Variants in MYBPH observed in about 807,000 individuals in gnomAD.
MYBPH encodes myosin binding protein H.
A neutral mutation model predicts 53.6 loss-of-function variants in MYBPH; 49 were observed. That is an observed-to-expected ratio of 0.91 (90% CI 0.73 to 1.16). The LOEUF is 1.16. Ranked by LOEUF, MYBPH falls within the 50% of genes most tolerant of loss-of-function variation. MYBPH has a pLI of 0.00. For missense variants in MYBPH, 558 were observed against 624.1 expected, an observed-to-expected ratio of 0.89 and a Z score of 1.13; for synonymous variants, 239 against 249.6, an observed-to-expected ratio of 0.96 and a Z score of 0.40.
chr1:203,175,412 G>A lies in MYBPH; in HGVS notation c.255C>T (p.Ser85=), dbSNP rs1447745214. ...LLLTLDDVSS[S]SVTVSWEPPE... Reference sequence around the variant, plus strand: ...GGGGCTCCCAGCTCACAGTCACAGAGCTGCTGCTCACATCATCCAGGGTCA... The same window carrying A: ...GGGGCTCCCAGCTCACAGTCACAGAACTGCTGCTCACATCATCCAGGGTCA... Residue 85 remains serine (S), a synonymous_variant, in exon 2 of 11, where the codon AGC becomes AGT. Coordinates refer to ENST00000255416, the MANE Select transcript of MYBPH (RefSeq NM_004997.3). 4 of 1,552,794 alleles carry A rather than the reference G, an allele frequency of 2.6e-6. No individual in the cohort carries two copies. Among genetic ancestry groups the A allele is most frequent in the Non-Finnish European group, 3.5e-6 (4 of 1,149,238 alleles).
At chr1:203,178,144 G>A (rs1272677903), upstream of MYBPH, among the ~76,000 whole-genome samples, 1 of 152,216 alleles carries the variant, frequency 6.6e-6, no homozygotes, top group Non-Finnish European at 1.5e-5. Flanking sequence ...CATTCCTGGG[G>A]CCCTGGGAAT....
Position 203,168,612 on chromosome 1 carries a change from G to A in MYBPH, c.*32+15C>T, listed in dbSNP as rs779860436. On this transcript the variant is annotated intron_variant, in intron 10 of 10. Coordinates refer to ENST00000255416, the MANE Select transcript of MYBPH (RefSeq NM_004997.3). ...GCCCACAGAGGTAACAGAGTGGGTG[G>A]GTCAGGCCATTTACCTGGCTCCTCA... The A allele has an allele frequency of 9.0e-6, 14 of 1,551,154 alleles. No individual in the cohort carries two copies. The South Asian group carries it at 1.7e-4, about 18-fold the overall frequency.
rs2102189691 is a variant in MYBPH, at chr1:203,171,310, C to A, written c.793+73G>T. The A allele has an allele frequency of 6.4e-7, 1 of 1,564,294 alleles. No individual in the cohort carries two copies. Among genetic ancestry groups the A allele is most frequent in the Non-Finnish European group, 8.7e-7 (1 of 1,152,034 alleles). ...CACTCCCTTGGCCTGCTCCCATCAGCCATCAGCTCTGGGATAGGAGGTTGG... is the reference window on the plus strand; with the variant it reads ...CACTCCCTTGGCCTGCTCCCATCAGACATCAGCTCTGGGATAGGAGGTTGG... On this transcript the variant is annotated intron_variant, in intron 5 of 10. Transcript: ENST00000255416. This position sits in a 1 kb window ranked among gnomAD's most constrained non-coding sequence, Gnocchi z 4.2.
chr1:203,172,607 C>A (rs1203342566), intron 3 of MYBPH, among the ~76,000 whole-genome samples: 1 of 152,204 alleles, frequency 6.6e-6, no homozygotes, highest in Non-Finnish European at 1.5e-5. Context: ...GGGTATCCCC[C>A]CTTCTTCCTC....
In MYBPH at chr1:203,169,313, G is replaced by T. The variant is rs768422281; in HGVS notation, c.1170C>A (p.Asp390Glu). The T allele has an allele frequency of 5.6e-5, 91 of 1,613,308 alleles. No individual in the cohort carries two copies. The highest frequency in any genetic ancestry group is 7.5e-5 in the Non-Finnish European group (88 of 1,179,676). The change falls in exon 8 of 11, where the codon GAC (aspartate) becomes GAA (glutamate). Residue 390 changes from aspartate (D) to glutamate (E), a missense_variant. Coordinates refer to ENST00000255416, the MANE Select transcript of MYBPH (RefSeq NM_004997.3). Reference protein sequence around the residue: ...EAPSFTQPLADHTSTPGYSTQ... With the variant: ...EAPSFTQPLAEHTSTPGYSTQ... ...TGCTGTAGCCAGGGGTGGAGGTGTGGTCAGCCAGGGGCTGGGTGAATGAGG... is the reference window on the plus strand; with the variant it reads ...TGCTGTAGCCAGGGGTGGAGGTGTGTTCAGCCAGGGGCTGGGTGAATGAGG...
Position 203,170,369 on chromosome 1 carries a change from G to A in MYBPH, c.1015C>T (p.Arg339Trp), listed in dbSNP as rs141520431. 21 of 1,614,060 alleles carry A rather than the reference G, an allele frequency of 1.3e-5. No homozygotes were observed. Among genetic ancestry groups the A allele is most frequent in the African/African-American group, 8.0e-5 (6 of 74,924 alleles). Residue 339 changes from arginine (R) to tryptophan (W), a missense_variant, in exon 7 of 11, where the codon CGG becomes TGG. By Grantham distance (101) the Arg-to-Trp change is moderately radical. Transcript: ENST00000255416. ...CCACACAGGTTTTCTGAGAAGACCC[G>A]GAAGGAGTACGAGTTGCCGATGATG... is the stretch of plus-strand genomic sequence containing the variant. Reference protein sequence around the residue: ...DLIIGNSYSFRVFSENLCGLS... With the variant: ...DLIIGNSYSFWVFSENLCGLS...
chr1:203,169,137 G>C, intron 8 of MYBPH, 45 bp from the exon 9 acceptor site: 1 of 1,603,778 alleles, frequency 6.2e-7, no homozygotes, highest in South Asian at 1.1e-5. Flanking sequence ...ATGGACTGGG[G>C]CGGGGCTCTC....
At chr1:203,174,738 C>T (rs1464259090) in intron 2 of MYBPH, 141 bp from the exon 3 acceptor site, 9 of 966,922 alleles carry the variant, frequency 9.3e-6, no homozygotes, top group Non-Finnish European at 1.3e-5. Flanking sequence ...CCTTCCCTGA[C>T]TTCTTGTCAA....
At chr1:203,172,920 G>A (rs1475172475) in intron 3 of MYBPH, among the ~76,000 whole-genome samples, 1 of 152,210 alleles carries the variant, frequency 6.6e-6, no homozygotes, top group Non-Finnish European at 1.5e-5. Flanking sequence ...GATTAGCTGA[G>A]TGGGCACTTG....
In MYBPH at chr1:203,168,634, C is replaced by T. The variant is rs1655630081; in HGVS notation, c.*25G>A. 6.6e-7 allele frequency: 1 copy of T among 1,521,592 alleles called. No homozygotes were observed. The allele number at this position is 1,521,592 out of a possible 1,614,324, so 94.3% of individuals were successfully genotyped here. ...GTGGGTCAGGCCATTTACCTGGCTC[C>T]TCATCACAGCCTCCTCCCGTGACTT... is the stretch of plus-strand genomic sequence containing the variant. On this transcript the variant is annotated 3_prime_UTR_variant, in exon 10 of 11. Coordinates refer to ENST00000255416, the MANE Select transcript of MYBPH (RefSeq NM_004997.3).
intron 2 of MYBPH, 114 bp downstream of exon 2, chr1:203,175,213 C>T: frequency 1.5e-6 from 2 of 1,310,288 alleles, no homozygotes; most frequent in African/African-American, 1.5e-5. Flanking sequence ...CTGCTCGCAT[C>T]CCCTCCTTCT....
At position 203,169,040 on chromosome 1, in the gene MYBPH, T is replaced by C; in HGVS notation, c.1283A>G (p.Tyr428Cys). 6.2e-7 allele frequency: 1 copy of C among 1,613,676 alleles called. No individual in the cohort carries two copies. Among genetic ancestry groups the C allele is most frequent in the Non-Finnish European group, 8.5e-7 (1 of 1,179,974 alleles). Residue 428 changes from tyrosine (Y) to cysteine (C), a missense_variant, in exon 9 of 11, where the codon TAC becomes TGC. Transcript: ENST00000255416. ...NKMEIQGNPK[Y>C]RALSEQGVCT... ...GACGCCTTGCTCAGAGAGGGCGCGG[T>C]ATTTGGGGTTGCCCTGGATCTCCAT...
chr1:203,171,038 C>T lies in MYBPH; in HGVS notation c.933+23G>A. The T allele has an allele frequency of 6.4e-7, 1 of 1,562,626 alleles. No homozygotes were observed. Among genetic ancestry groups the T allele is most frequent in the South Asian group, 1.2e-5 (1 of 82,264 alleles). On this transcript the variant is annotated intron_variant, in intron 6 of 10. Coordinates refer to ENST00000255416, the MANE Select transcript of MYBPH (RefSeq NM_004997.3). This position sits in a 1 kb window ranked among gnomAD's most constrained non-coding sequence, Gnocchi z 4.2. ...CCTTGACCACTTCGTACCCCGACCC[C>T]ACTTTGCCTCAGCCAGCCTCACCCC...
chr1:203,176,301 G>A (rs936631593), upstream of MYBPH, among the ~76,000 whole-genome samples: 2 of 152,164 alleles, frequency 1.3e-5, no homozygotes, highest in African/African-American at 2.4e-5. Context: ...ACAGTTCCCA[G>A]GGACTCTCGC....
At chr1:203,173,897 C>G (rs956253703) in intron 3 of MYBPH, among the ~76,000 whole-genome samples, 3 of 152,266 alleles carry the variant, frequency 2.0e-5, no homozygotes, top group African/African-American at 7.2e-5. Context: ...GGGATGGCAG[C>G]TGGCCTGCGG....
upstream of MYBPH, among the ~76,000 whole-genome samples, chr1:203,178,651 A>T (rs542565753): frequency 2.6e-5 from 4 of 152,310 alleles, no homozygotes; most frequent in African/African-American, 9.6e-5. Context: ...GAAACAGAAA[A>T]CGTTTCTTTC....
chr1:203,169,035 C>A lies in MYBPH; in HGVS notation c.1288G>T (p.Ala430Ser), dbSNP rs767469310. The A allele has an allele frequency of 6.2e-7, 1 of 1,613,868 alleles. No homozygotes were observed. ...GTGCAGACGCCTTGCTCAGAGAGGG[C>A]GCGGTATTTGGGGTTGCCCTGGATC... ...MEIQGNPKYR[A>S]LSEQGVCTLE... Residue 430 changes from alanine to serine, a missense_variant, in exon 9 of 11, where the codon GCC becomes TCC. Ala to Ser is a moderately conservative substitution (Grantham distance 99). Coordinates refer to ENST00000255416, the MANE Select transcript of MYBPH (RefSeq NM_004997.3).
At chr1:203,173,870 T>C (rs1003589061) in intron 3 of MYBPH, among the ~76,000 whole-genome samples, 5 of 152,130 alleles carry the variant, frequency 3.3e-5, no homozygotes, top group Admixed American at 6.5e-5. Flanking sequence ...ACCTTGCAAA[T>C]AGAAATATTA....
At chr1:203,169,189 C>G in intron 8 of MYBPH, 64 bp downstream of exon 8, 1 of 1,576,980 alleles carries the variant, frequency 6.3e-7, no homozygotes, top group East Asian at 2.2e-5. Flanking sequence ...CCGGAGGATT[C>G]CTCAGCCCTG....
Sources: allele counts gnomAD v4.1 joint callset (sites outside exome capture counted in the v4.1 genomes callset), GRCh38; gene constraint gnomAD v4.1.1; non-coding constraint Gnocchi (gnomAD v3.1); transcripts MANE v1.5; gene names NCBI Gene and HGNC (gene_info 2026-07-23, HGNC 2026-07-21).